The following PAG1 variants were observed in gnomAD, a reference collection of about 807,000 sequenced individuals.
PAG1 encodes phosphoprotein membrane anchor with glycosphingolipid microdomains 1.
PAG1 carries 23 observed loss-of-function variants against 31.7 expected under a neutral mutation model. That is an observed-to-expected ratio of 0.73 (90% CI 0.52 to 1.03). The LOEUF is 1.03. Among genes scored for constraint, PAG1 ranks in the 50% least tolerant of loss-of-function variants. PAG1 has a pLI of 0.00. For synonymous variants in PAG1, 214 were observed against 210.3 expected (o/e 1.02, Z -0.15); for missense variants, 473 against 540.7 (o/e 0.87, Z 1.24).
chr8:81,073,721 C>T (rs552671046), intron 1 of PAG1, among the ~76,000 whole-genome samples: 3 of 152,276 alleles, frequency 2.0e-5, no homozygotes, highest in African/African-American at 7.2e-5. Flanking sequence ...ATTCCCTGTC[C>T]TATGTATCTT....
In PAG1 at chr8:81,007,888, G is replaced by A. The variant is rs111625307; in HGVS notation, c.-80-14581C>T. Among the ~76,000 whole-genome samples the A allele has an allele frequency of 7.0e-3, 1,069 of 152,222 alleles. 17 individuals carry two copies. Among genetic ancestry groups the A allele is most frequent in the African/African-American group, 0.024 (1,013 of 41,522 alleles). ...AAATATAACAGTGGAATCTGGTCCG[G>A]GGGAATCACTGTGTGCTTATTTCTC... On this transcript the variant is annotated intron_variant, in intron 3 of 8. Transcript: ENST00000220597.
At chr8:81,053,791 A>G (rs1382224857) in intron 2 of PAG1, among the ~76,000 whole-genome samples, 4 of 152,188 alleles carry the variant, frequency 2.6e-5, no homozygotes, top group Non-Finnish European at 4.4e-5. Flanking sequence ...ATTTTAAGGT[A>G]GATATGGGGC....
chr8:81,077,029 T>C (rs1370157247), intron 1 of PAG1, among the ~76,000 whole-genome samples: 1 of 152,234 alleles, frequency 6.6e-6, no homozygotes, highest in Non-Finnish European at 1.5e-5. Flanking sequence ...GTCAGCTGAC[T>C]GCACGTTCAT....
intron 3 of PAG1, among the ~76,000 whole-genome samples, chr8:81,018,444 G>A (rs1338328909): frequency 6.6e-6 from 1 of 152,208 alleles, no homozygotes; most frequent in Non-Finnish European, 1.5e-5. Flanking sequence ...TGACTCACAT[G>A]GCAATATGGT....
chr8:81,069,985 G>T (rs1045759892), intron 2 of PAG1, 127 bp downstream of exon 2: 1 of 152,220 alleles, frequency 6.6e-6, no homozygotes, highest in African/African-American at 2.4e-5. Flanking sequence ...TAGAAGCTGT[G>T]TGTCTGCAGA....
intron 5 of PAG1, among the ~76,000 whole-genome samples, chr8:80,988,148 C>T (rs1807464731): frequency 6.6e-6 from 1 of 151,558 alleles, no homozygotes. Context: ...GTGACCTACA[C>T]AGGGCTATAG....
intron 7 of PAG1, among the ~76,000 whole-genome samples, chr8:80,981,859 TTCC>T (rs1174079881): frequency 8.4e-5 from 11 of 130,860 alleles, no homozygotes; most frequent in Admixed American, 5.1e-4. Flanking sequence ...ATTATCTCAC[TTCC>T]TTTTTTTTTT....
Position 81,068,552 on chromosome 8 carries a change from C to G in PAG1, c.-175+1560G>C, listed in dbSNP as rs1011484992. On this transcript the variant is annotated intron_variant, in intron 2 of 8. Coordinates refer to ENST00000220597, the MANE Select transcript of PAG1 (RefSeq NM_018440.4). Reference sequence around the variant, plus strand: ...TTATTGTTGAGAAGAATGCTTATATCTAGTCAGAAAAAAAGCTCAGCTTGA... The same window carrying G: ...TTATTGTTGAGAAGAATGCTTATATGTAGTCAGAAAAAAAGCTCAGCTTGA... Among the ~76,000 whole-genome samples, 5 of 152,256 alleles carry G rather than the reference C, an allele frequency of 3.3e-5. No individual in the cohort carries two copies. In the East Asian group the frequency reaches 9.6e-4, roughly 29 times the overall value.
intron 3 of PAG1, among the ~76,000 whole-genome samples, chr8:81,009,750 C>T (rs781633785): frequency 1.3e-5 from 2 of 152,112 alleles, no homozygotes; most frequent in South Asian, 4.2e-4. Flanking sequence ...GTAACTAGGA[C>T]TACAGGCATG....
chr8:81,109,782 C>T (rs1425749385), intron 1 of PAG1, among the ~76,000 whole-genome samples: 1 of 152,180 alleles, frequency 6.6e-6, no homozygotes, highest in Non-Finnish European at 1.5e-5. Flanking sequence ...CTACTGTCAT[C>T]CCCATTGTAC....
intron 1 of PAG1, 27 bp from the exon 2 acceptor site, chr8:81,070,197 AT>A (rs2130964917): frequency 6.6e-6 from 1 of 152,350 alleles, no homozygotes; most frequent in South Asian, 2.1e-4. Context: ...AGAGAAAACA[AT>A]TTCAAAATTC....
intron 3 of PAG1, among the ~76,000 whole-genome samples, chr8:80,994,617 G>C (rs1416459978): frequency 6.6e-6 from 1 of 152,188 alleles, no homozygotes; most frequent in Non-Finnish European, 1.5e-5. Context: ...CCTGTGCTCT[G>C]TGTCCATCAA....
At chr8:80,980,374 C>A in intron 8 of PAG1, 61 bp downstream of exon 8, 1 of 897,394 alleles carries the variant, frequency 1.1e-6, no homozygotes, top group South Asian at 1.4e-5. Context: ...TGCATTTATT[C>A]AAGGGGGGAA....
chr8:80,999,334 C>T (rs1807743614), intron 3 of PAG1, among the ~76,000 whole-genome samples: 2 of 152,220 alleles, frequency 1.3e-5, no homozygotes, highest in Non-Finnish European at 2.9e-5. Context: ...TGATCCTGCA[C>T]TGAGTCAGGG....
At chr8:81,066,380 A>G (rs1448615299) in intron 2 of PAG1, among the ~76,000 whole-genome samples, 1 of 152,186 alleles carries the variant, frequency 6.6e-6, no homozygotes, top group East Asian at 1.9e-4. Flanking sequence ...TGGATTTTTG[A>G]GTGTTACAAA....
intron 5 of PAG1, among the ~76,000 whole-genome samples, chr8:80,988,293 G>A (rs1033852118): frequency 3.9e-5 from 6 of 152,166 alleles, no homozygotes; most frequent in Non-Finnish European, 5.9e-5. Flanking sequence ...TATGAGAAAC[G>A]TGGAAAGGCA....
Position 80,993,094 on chromosome 8 carries a change from G to C in PAG1, c.125+9C>G. ...TTTAAGGCACAGGTATATACACTCT[G>C]GTTCTCACCTGTCACAACTAGAGCA... On this transcript the variant is annotated intron_variant, in intron 4 of 8. Coordinates refer to ENST00000220597, the MANE Select transcript of PAG1 (RefSeq NM_018440.4). 6.2e-7 allele frequency: 1 copy of C among 1,612,548 alleles called. No individual in the cohort carries two copies. Among genetic ancestry groups the C allele is most frequent in the Non-Finnish European group, 8.5e-7 (1 of 1,179,174 alleles).
chr8:81,009,755 G>C (rs1807947642), intron 3 of PAG1, among the ~76,000 whole-genome samples: 1 of 152,112 alleles, frequency 6.6e-6, no homozygotes, highest in South Asian at 2.1e-4. Context: ...TAGGACTACA[G>C]GCATGTACCA....
chr8:81,025,805 G>A (rs895040305), intron 3 of PAG1, among the ~76,000 whole-genome samples: 2 of 152,200 alleles, frequency 1.3e-5, no homozygotes, highest in African/African-American at 4.8e-5. Context: ...GAAGGACAGG[G>A]ATGACAAATT....
Sources: allele counts gnomAD v4.1 joint callset (sites outside exome capture counted in the v4.1 genomes callset), GRCh38; gene constraint gnomAD v4.1.1; transcripts MANE v1.5; gene names NCBI Gene and HGNC (gene_info 2026-07-23, HGNC 2026-07-21).